The following FAP variants were observed in gnomAD, a reference collection of about 807,000 sequenced individuals.
FAP encodes the protein prolyl endopeptidase FAP.
FAP carries 110 observed loss-of-function variants against 126.5 expected under a neutral mutation model. The ratio of observed to expected loss-of-function variants is 0.87; its 90% CI spans 0.74 to 1.02. The LOEUF (loss-of-function observed/expected upper bound fraction) is 1.02. FAP is among the 50% of genes least tolerant of loss of function. The pLI, the probability that FAP is intolerant of heterozygous loss-of-function variation, is 0.00. For missense variants in FAP, 919 were observed against 909.2 expected (o/e 1.01, Z -0.14); for synonymous variants, 334 against 297.3 (o/e 1.12, Z -1.27).
chr2:162,215,729 G>A (rs1256169068), intron 10 of FAP, among the ~76,000 whole-genome samples, 169 bp downstream of exon 10: 1 of 152,148 alleles, frequency 6.6e-6, no homozygotes, highest in Non-Finnish European at 1.5e-5. Context: ...GTGTAAAAGG[G>A]CTAATTTTGA....
At position 162,180,350 on chromosome 2, in the gene FAP, C is replaced by A. The variant is rs115686400; in HGVS notation, c.1869+3064G>T. Among the ~76,000 whole-genome samples, 357 of 152,270 alleles carry A rather than the reference C, an allele frequency of 2.3e-3. 3 individuals are homozygous for A. Among genetic ancestry groups the A allele is most frequent in the African/African-American group, 8.5e-3 (353 of 41,568 alleles). On this transcript the variant is annotated intron_variant, in intron 21 of 25. Transcript: ENST00000188790. ...CCAAAGCAGGAGGACAGGTAAGAAG[C>A]AATTAGAATAAATTGAAGTGCGAAA...
chr2:162,188,164 C>A lies in FAP; in HGVS notation c.1814+5G>T. On this transcript the variant is annotated splice_donor_5th_base_variant and intron_variant, in intron 20 of 25. Coordinates refer to ENST00000188790, the MANE Select transcript of FAP (RefSeq NM_004460.5). ...TGACATCTGCTTGAATGAGAAGGTG[C>A]TCACCTGACAGCTGTAATCTGGTCT... The A allele has an allele frequency of 6.2e-7, 1 of 1,610,206 alleles. No homozygotes were observed. Among genetic ancestry groups the A allele is most frequent in the Non-Finnish European group, 8.5e-7 (1 of 1,177,176 alleles).
Position 162,197,244 on chromosome 2 carries a change from T to C in FAP, c.1402+1513A>G, listed in dbSNP as rs371633549. Among the ~76,000 whole-genome samples the C allele has an allele frequency of 1.7e-4, 26 of 152,284 alleles. No individual in the cohort carries two copies. The East Asian group carries it at 5.0e-3, about 29-fold the overall frequency. On this transcript the variant is annotated intron_variant, in intron 16 of 25. Transcript: ENST00000188790. ...TTCCACAAACATTGAATGTCTATTATGTATTAGACATTCTTCTTGGTCTTA... is the reference window on the plus strand; with the variant it reads ...TTCCACAAACATTGAATGTCTATTACGTATTAGACATTCTTCTTGGTCTTA...
At chr2:162,179,839 C>T (rs185584271) in intron 21 of FAP, among the ~76,000 whole-genome samples, 2,424 of 143,256 alleles carry the variant, frequency 0.017, 22 homozygotes, top group Non-Finnish European at 0.025. Flanking sequence ...GATGGAGTCT[C>T]GCTCTGTTGC....
intron 17 of FAP, chr2:162,193,904 G>A (rs1021857243): frequency 5.3e-5 from 8 of 152,076 alleles, no homozygotes; most frequent in Non-Finnish European, 1.2e-4. Flanking sequence ...TGAAGAAAGT[G>A]GCATCTGCCT....
intron 12 of FAP, among the ~76,000 whole-genome samples, chr2:162,205,607 G>A (rs139300121): frequency 0.014 from 2,079 of 152,002 alleles, 22 homozygotes; most frequent in Middle Eastern, 0.048. Context: ...TCTGTCGCCC[G>A]GGCACAAGTG....
At chr2:162,193,305 T>C (rs1218297072) in intron 17 of FAP, among the ~76,000 whole-genome samples, 1 of 152,200 alleles carries the variant, frequency 6.6e-6, no homozygotes, top group Non-Finnish European at 1.5e-5. Flanking sequence ...CATAGGAGAA[T>C]AATTTCACAT....
At chr2:162,202,511 T>C (rs1365480744) in intron 14 of FAP, among the ~76,000 whole-genome samples, 1 of 152,228 alleles carries the variant, frequency 6.6e-6, no homozygotes, top group African/African-American at 2.4e-5. Context: ...AATGAATCAC[T>C]ACAAAAGATG....
chr2:162,215,768 A>G (rs1422053567), intron 10 of FAP, 130 bp downstream of exon 10: 9 of 627,152 alleles, frequency 1.4e-5, no homozygotes, highest in Admixed American at 3.2e-5. Context: ...TTATTTGTCA[A>G]TTTTAATTTT....
chr2:162,180,691 G>T (rs1032978688), intron 21 of FAP, among the ~76,000 whole-genome samples: 1 of 152,162 alleles, frequency 6.6e-6, no homozygotes, highest in African/African-American at 2.4e-5. Flanking sequence ...CTCAGATTTC[G>T]AATTTGGGTG....
chr2:162,231,163 T>C (rs1329587472), intron 2 of FAP, among the ~76,000 whole-genome samples: 1 of 152,184 alleles, frequency 6.6e-6, no homozygotes, highest in Non-Finnish European at 1.5e-5. Flanking sequence ...TTAAGTAAGA[T>C]TATGGAAAAA....
intron 5 of FAP, 92 bp from the exon 6 acceptor site, chr2:162,223,752 C>A: frequency 1.3e-6 from 1 of 796,800 alleles, no homozygotes; most frequent in South Asian, 1.5e-5. Context: ...ATTCAAAGTT[C>A]AGAATTATAA....
At chr2:162,232,037 C>A (rs983405957) in intron 2 of FAP, among the ~76,000 whole-genome samples, 1 of 152,114 alleles carries the variant, frequency 6.6e-6, no homozygotes, top group African/African-American at 2.4e-5. Flanking sequence ...ATTATCACAC[C>A]GGGTTTTGTT....
chr2:162,204,528 G>A (rs531088759), intron 12 of FAP, among the ~76,000 whole-genome samples: 1 of 152,306 alleles, frequency 6.6e-6, no homozygotes, highest in African/African-American at 2.4e-5. Flanking sequence ...GAGATACAGG[G>A]AAGAAGACTA....
In FAP at chr2:162,200,574, G is replaced by A; in HGVS notation, c.1269C>T (p.Asn423=). The part of the protein sequence containing the change: ...NEFEEYPGRR[N]IYRISIGSYP... ...GAATGGACATAAATTACCTGTAGATGTTTCTTCTTCCAGGGTATTCTTCAA... is the reference window on the plus strand; with the variant it reads ...GAATGGACATAAATTACCTGTAGATATTTCTTCTTCCAGGGTATTCTTCAA... The change falls in exon 15 of 26, where the codon AAC becomes AAT. Residue 423 remains asparagine (N), a synonymous_variant. Coordinates refer to ENST00000188790, the MANE Select transcript of FAP (RefSeq NM_004460.5). 1 of 1,478,852 alleles carries A rather than the reference G, an allele frequency of 6.8e-7. No individual in the cohort carries two copies. The highest frequency in any genetic ancestry group is 9.3e-7 in the Non-Finnish European group (1 of 1,078,260). 91.6% of individuals were successfully genotyped at this position (1,478,852 alleles called of 1,614,324 possible). A position where few individuals can be genotyped will look rare whatever the true frequency, so the allele number is the denominator to read the frequency against.
chr2:162,195,518 G>T (rs1207531944), intron 16 of FAP, among the ~76,000 whole-genome samples: 2 of 151,766 alleles, frequency 1.3e-5, no homozygotes, highest in African/African-American at 4.8e-5. Flanking sequence ...CTTCTCCCGG[G>T]TTGGGGGGAG....
chr2:162,174,840 C>T (rs1355335743), intron 22 of FAP, 27 bp downstream of exon 22: 5 of 1,484,074 alleles, frequency 3.4e-6, no homozygotes, highest in Admixed American at 3.4e-5. Flanking sequence ...AATGCTTTCA[C>T]AGTAACATTA....
chr2:162,194,935 A>G, intron 16 of FAP, 187 bp from the exon 17 acceptor site: 1 of 595,450 alleles, frequency 1.7e-6, no homozygotes, highest in Non-Finnish European at 3.0e-6. Flanking sequence ...ACATGAGATC[A>G]AAGCCCACTC....
At position 162,219,168 on chromosome 2, in the gene FAP, T is replaced by A. The variant is rs757593622; in HGVS notation, c.502A>T (p.Asn168Tyr). The A allele has an allele frequency of 6.2e-7, 1 of 1,606,838 alleles. No homozygotes were observed. Among genetic ancestry groups the A allele is most frequent in the East Asian group, 2.2e-5 (1 of 44,626 alleles). ...GGTCTTTGTTTCAAATAGATATTGT[T>A]TTGATAGACATATGCCTAAAAGTGG... ...VGSKLAYVYQ[N>Y]NIYLKQRPGD... Residue 168 changes from asparagine to tyrosine, a missense_variant, in exon 8 of 26, where the codon AAC becomes TAC. Coordinates refer to ENST00000188790, the MANE Select transcript of FAP (RefSeq NM_004460.5).
Sources: allele counts gnomAD v4.1 joint callset (sites outside exome capture counted in the v4.1 genomes callset), GRCh38; gene constraint gnomAD v4.1.1; transcripts MANE v1.5; gene names NCBI Gene and HGNC (gene_info 2026-07-23, HGNC 2026-07-21).